The following RP1L1 variants were observed in gnomAD, a reference collection of about 807,000 sequenced individuals.
RP1L1 encodes retinitis pigmentosa 1-like 1 protein.
A neutral mutation model predicts 15.7 loss-of-function variants in RP1L1; 27 were observed. The ratio of observed to expected loss-of-function variants is 1.72; its 90% CI spans 1.27 to 2.38. RP1L1 has a LOEUF of 2.38. Among genes scored for constraint, RP1L1 ranks in the 30% most tolerant of loss-of-function variants. The probability of loss-of-function intolerance (pLI) is 0.00; values close to 1 mark genes in which losing one functional copy is unlikely to be tolerated. For synonymous variants in RP1L1, 1,813 were observed against 1,276.7 expected (o/e 1.42, Z -8.96); for missense variants, 4,798 against 3,075.9 (o/e 1.56, Z -13.24).
Position 10,607,550 on chromosome 8 carries a change from G to T in RP1L1, c.6548C>A (p.Pro2183Gln), listed in dbSNP as rs1282154720. The change falls in exon 4 of 4, where the codon CCA becomes CAA. Residue 2183 changes from proline (P) to glutamine (Q), a missense_variant. Physicochemically the swap from Pro to Gln is moderately conservative, Grantham distance 76. Transcript: ENST00000382483. Reference protein sequence around the residue: ...AQPELEGVEAPEAEGEAQPES... With the variant: ...AQPELEGVEAQEAEGEAQPES... ...TGGCTGGGCCTCCCCTTCTGCCTCTGGGGCCTCTACACCTTCTAACTCTGG... is the reference window on the plus strand; with the variant it reads ...TGGCTGGGCCTCCCCTTCTGCCTCTTGGGCCTCTACACCTTCTAACTCTGG... The T allele has an allele frequency of 1.9e-6, 3 of 1,539,412 alleles. No individual in the cohort carries two copies. Among genetic ancestry groups the T allele is most frequent in the African/African-American group, 3.1e-5 (2 of 65,356 alleles).
At chr8:10,637,672 T>C (rs1412677430) in intron 1 of RP1L1, among the ~76,000 whole-genome samples, 2 of 152,206 alleles carry the variant, frequency 1.3e-5, no homozygotes, top group Non-Finnish European at 2.9e-5. Context: ...TAGTTAAGTA[T>C]AGCTCAGCTG....
At chr8:10,620,089 A>G (rs1353162402) in intron 2 of RP1L1, among the ~76,000 whole-genome samples, 1 of 152,086 alleles carries the variant, frequency 6.6e-6, no homozygotes, top group Non-Finnish European at 1.5e-5. Context: ...CGACTAAGAC[A>G]CCTGTATCTT....
In RP1L1 at chr8:10,610,715, A is replaced by G. The variant is rs773120294; in HGVS notation, c.3383T>C (p.Phe1128Ser). The change falls in exon 4 of 4, where the codon TTT becomes TCT. Residue 1128 changes from phenylalanine (F) to serine (S), a missense_variant. By Grantham distance (155) the Phe-to-Ser change is radical. Coordinates refer to ENST00000382483, the MANE Select transcript of RP1L1 (RefSeq NM_178857.6). Reference protein sequence around the residue: ...LITCLASLQLFEEDLGSPASK... With the variant: ...LITCLASLQLSEEDLGSPASK... ...GGCAGGAGACCCAAGGTCTTCCTCA[A>G]ATAACTGCAGACTGGCCAGACAAGT... The G allele has an allele frequency of 2.5e-6, 4 of 1,613,464 alleles. No individual in the cohort carries two copies. The highest frequency in any genetic ancestry group is 1.7e-5 in the Admixed American group (1 of 60,012).
In RP1L1 at chr8:10,611,707, C is replaced by T. The variant is rs367741338; in HGVS notation, c.2391G>A (p.Arg797=). The T allele has an allele frequency of 1.2e-6, 2 of 1,613,452 alleles. No homozygotes were observed. Among genetic ancestry groups the T allele is most frequent in the African/African-American group, 1.3e-5 (1 of 74,936 alleles). Residue 797 remains arginine, a synonymous_variant, in exon 4 of 4, where the codon AGG becomes AGA. Coordinates refer to ENST00000382483, the MANE Select transcript of RP1L1 (RefSeq NM_178857.6). The part of the protein sequence containing the change: ...SGAASLGEEA[R]DTPQPSSPLV... ...AGGGTGAGGAGGGCTGAGGCGTGTC[C>T]CTGGCCTCTTCCCCCAGGCTGGCAG...
chr8:10,654,807 C>G (rs1350067817), intron 1 of RP1L1, 91 bp downstream of exon 1: 1 of 152,854 alleles, frequency 6.5e-6, no homozygotes, highest in African/African-American at 2.4e-5. Flanking sequence ...GCTGAAACGC[C>G]TCCCCACTTG....
chr8:10,638,929 G>A (rs1306135594), intron 1 of RP1L1, among the ~76,000 whole-genome samples: 1 of 152,110 alleles, frequency 6.6e-6, no homozygotes, highest in Non-Finnish European at 1.5e-5. Context: ...CGGATCACTT[G>A]AGGCCATGAG....
intron 2 of RP1L1, among the ~76,000 whole-genome samples, chr8:10,617,079 G>T (rs1457553656): frequency 6.6e-6 from 1 of 152,062 alleles, no homozygotes; most frequent in South Asian, 2.1e-4. Flanking sequence ...GTGGAGGGGA[G>T]AGGGGCTAGG....
At chr8:10,641,083 C>G (rs1233863385) in intron 1 of RP1L1, among the ~76,000 whole-genome samples, 1 of 152,204 alleles carries the variant, frequency 6.6e-6, no homozygotes, top group Non-Finnish European at 1.5e-5. Flanking sequence ...ATAACATTAA[C>G]TCATAAAATA....
At chr8:10,622,493 A>G (rs1798076418) in intron 2 of RP1L1, 100 bp downstream of exon 2, 9 of 1,524,512 alleles carry the variant, frequency 5.9e-6, no homozygotes, top group Non-Finnish European at 7.3e-6. Flanking sequence ...AGGGCAATCA[A>G]ATGCCTCTTT....
At chr8:10,630,275 A>C (rs1271285452) in intron 1 of RP1L1, among the ~76,000 whole-genome samples, 1 of 152,206 alleles carries the variant, frequency 6.6e-6, no homozygotes, top group African/African-American at 2.4e-5. Context: ...AGGCAGGAGG[A>C]TGGGCAGAGG....
Position 10,613,023 on chromosome 8 carries a change from G to A in RP1L1, c.1075C>T (p.Leu359=). The change falls in exon 4 of 4, where the codon CTG becomes TTG. Residue 359 remains leucine (L), a synonymous_variant. Coordinates refer to ENST00000382483, the MANE Select transcript of RP1L1 (RefSeq NM_178857.6). Reference sequence around the variant, plus strand: ...CAGCAGAGGGGGTCTACCTCCCCCAGAACGGGGTCTTCCCCACTGGCTGCC... The same window carrying A: ...CAGCAGAGGGGGTCTACCTCCCCCAAAACGGGGTCTTCCCCACTGGCTGCC... ...LTAASGEDPV[L]GEVDPLCCVW... is the part of the protein sequence containing the mutation. 3 of 1,613,502 alleles carry A rather than the reference G, an allele frequency of 1.9e-6. No individual in the cohort carries two copies. The highest frequency in any genetic ancestry group is 2.2e-5 in the East Asian group (1 of 44,866).
In RP1L1 at chr8:10,611,307, C is replaced by T. The variant is rs200981366; in HGVS notation, c.2791G>A (p.Gly931Arg). 6 of 1,612,892 alleles carry T rather than the reference C, an allele frequency of 3.7e-6. No individual in the cohort carries two copies. Among genetic ancestry groups the T allele is most frequent in the Non-Finnish European group, 5.1e-6 (6 of 1,180,030 alleles). ...TCCTCCTGCCCCTGGGGGCCTCCCC[C>T]ACTCCTCAAGGTCTTCTCCTCGGAC... ...GLSEEKTLRS[G>R]GGPQGQEEAS... The change falls in exon 4 of 4, where the codon GGG becomes AGG. Residue 931 changes from glycine (G) to arginine (R), a missense_variant. Physicochemically the swap from Gly to Arg is moderately radical, Grantham distance 125. Coordinates refer to ENST00000382483, the MANE Select transcript of RP1L1 (RefSeq NM_178857.6).
chr8:10,624,278 G>T (rs1037700381), intron 1 of RP1L1, among the ~76,000 whole-genome samples: 1 of 152,132 alleles, frequency 6.6e-6, no homozygotes, highest in Non-Finnish European at 1.5e-5. Context: ...CCATTAGTAG[G>T]ACATGGCACC....
chr8:10,617,555 T>C (rs1327494635), intron 2 of RP1L1, among the ~76,000 whole-genome samples: 11 of 117,868 alleles, frequency 9.3e-5, no homozygotes, highest in South Asian at 3.1e-4. Flanking sequence ...TCTTTTTTTT[T>C]TTTTTTTTTT....
intron 2 of RP1L1, among the ~76,000 whole-genome samples, chr8:10,622,170 A>G (rs1798069921): frequency 6.6e-6 from 1 of 151,942 alleles, no homozygotes; most frequent in South Asian, 2.1e-4. Context: ...AAAACTAGAA[A>G]ATTAGCTGGG....
intron 1 of RP1L1, among the ~76,000 whole-genome samples, chr8:10,654,688 C>T (rs1204150278): frequency 1.3e-5 from 2 of 152,250 alleles, no homozygotes; most frequent in African/African-American, 2.4e-5. Context: ...TCCACTGTGT[C>T]GTGTTTAAAC....
At chr8:10,648,724 T>C (rs1390634504) in intron 1 of RP1L1, among the ~76,000 whole-genome samples, 1 of 152,232 alleles carries the variant, frequency 6.6e-6, no homozygotes, top group Non-Finnish European at 1.5e-5. Context: ...CTGACTTTTA[T>C]GTGGGCTTAA....
chr8:10,609,987 C>T lies in RP1L1; in HGVS notation c.4111G>A (p.Gly1371Arg), dbSNP rs200962459. 21 of 1,609,368 alleles carry T rather than the reference C, an allele frequency of 1.3e-5. No homozygotes were observed. The highest frequency in any genetic ancestry group is 1.1e-4 in the African/African-American group (8 of 74,458). ...TCTTTAACTTCCTCTAACTGCACCC[C>T]CTCTTCTTGCAGCCCTTCTCCTCCT... The part of the protein sequence containing the change: ...ETGGEGLQEE[G>R]VQLEEVKEGP... The change falls in exon 4 of 4, where the codon GGG becomes AGG. Residue 1371 changes from glycine to arginine, a missense_variant. Gly to Arg is a moderately radical substitution (Grantham distance 125). Transcript: ENST00000382483.
chr8:10,610,034 T>G lies in RP1L1; in HGVS notation c.4064A>C (p.Gln1355Pro). Residue 1355 changes from glutamine (Q) to proline (P), a missense_variant, in exon 4 of 4, where the codon CAG (glutamine) becomes CCG (proline). By Grantham distance (76) the Gln-to-Pro change is moderately conservative. Coordinates refer to ENST00000382483, the MANE Select transcript of RP1L1 (RefSeq NM_178857.6). ...TCCTGTTTCTTCAATTTCCTCTAAC[T>G]GCGCCTCTTCTTCTTGCTGTCCTTC... ...EGEGQQEEEA[Q>P]LEEIEETGGE... The G allele has an allele frequency of 6.8e-7, 1 of 1,475,628 alleles. No homozygotes were observed. The highest frequency in any genetic ancestry group is 2.9e-5 in the East Asian group (1 of 34,518). 91.4% of individuals were successfully genotyped at this position (1,475,628 alleles called of 1,614,324 possible). A position where few individuals can be genotyped will look rare whatever the true frequency, so the allele number is the denominator to read the frequency against.
Sources: gnomAD v4.1 joint callset for allele counts (sites outside exome capture counted in the v4.1 genomes callset) on GRCh38, gnomAD v4.1.1 for gene constraint, MANE v1.5 for transcripts, NCBI Gene and HGNC (gene_info 2026-07-23, HGNC 2026-07-21) for gene names.